The following DGKG variants were observed in gnomAD, a reference collection of about 807,000 sequenced individuals.
DGKG encodes diacylglycerol kinase gamma, also known as DAG kinase gamma.
In DGKG, 78 loss-of-function variants were observed where a neutral mutation model predicts 105.3. The ratio of observed to expected loss-of-function variants is 0.74; its 90% confidence interval spans 0.62 to 0.89. DGKG has a LOEUF of 0.89. DGKG is among the 40% of genes least tolerant of loss of function. The pLI, the probability that DGKG is intolerant of heterozygous loss-of-function variation, is 0.00. For missense variants in DGKG, 958 were observed against 1,020.1 expected, an observed-to-expected ratio of 0.94 and a Z score of 0.83; for synonymous variants, 346 against 367.1, an observed-to-expected ratio of 0.94 and a Z score of 0.66.
At chr3:186,299,805 C>CT (rs1161470138) in intron 3 of DGKG, among the ~76,000 whole-genome samples, 1 of 95,590 alleles carries the variant, frequency 1.0e-5, no homozygotes, top group African/African-American at 4.1e-5. Context: ...TTCTTTCTTT[C>CT]TTTCTTTCTT....
At chr3:186,279,039 A>G (rs750749287) in intron 9 of DGKG, 6 of 152,250 alleles carry the variant, frequency 3.9e-5, no homozygotes. Flanking sequence ...AAGCCTGTAC[A>G]CATATGCCCT....
chr3:186,219,721 G>T (rs1326928213), intron 20 of DGKG, among the ~76,000 whole-genome samples: 1 of 152,076 alleles, frequency 6.6e-6, no homozygotes. Context: ...AACAGGAAAG[G>T]GGAGATCTCA....
intron 3 of DGKG, 22 bp from the exon 4 acceptor site, chr3:186,298,251 A>C: frequency 6.4e-7 from 1 of 1,565,662 alleles, no homozygotes. Flanking sequence ...CAAAAGGGCA[A>C]AGTCAGTGGA....
intron 19 of DGKG, among the ~76,000 whole-genome samples, chr3:186,245,027 G>GC (rs1720873683): frequency 6.6e-6 from 1 of 152,062 alleles, no homozygotes; most frequent in African/African-American, 2.4e-5. Flanking sequence ...AAAAGTGGAG[G>GC]GGGGCGGGGA....
At chr3:186,298,539 A>G (rs1723710717) in intron 3 of DGKG, among the ~76,000 whole-genome samples, 1 of 152,216 alleles carries the variant, frequency 6.6e-6, no homozygotes, top group Admixed American at 6.5e-5. Flanking sequence ...AAAAAGGGAC[A>G]TGTTGGAGAG....
At chr3:186,232,603 G>T (rs764176689) in intron 20 of DGKG, among the ~76,000 whole-genome samples, 10 of 151,598 alleles carry the variant, frequency 6.6e-5, no homozygotes, top group South Asian at 4.2e-4. Context: ...TGAGTGATTG[G>T]TTTTTTTTCT....
intron 2 of DGKG, among the ~76,000 whole-genome samples, chr3:186,309,725 A>G (rs1724425841): frequency 6.6e-6 from 1 of 152,218 alleles, no homozygotes; most frequent in Non-Finnish European, 1.5e-5. Context: ...AGTAATTTCA[A>G]TTGAATATAT....
chr3:186,251,392 C>T (rs995856552), intron 19 of DGKG, among the ~76,000 whole-genome samples: 2 of 152,132 alleles, frequency 1.3e-5, no homozygotes, highest in African/African-American at 4.8e-5. Context: ...ATTCCCAGTT[C>T]CTGAAGCTCA....
intron 24 of DGKG, among the ~76,000 whole-genome samples, chr3:186,150,495 A>ACGTCT (rs773774715): frequency 2.0e-5 from 3 of 152,016 alleles, no homozygotes; most frequent in Non-Finnish European, 4.4e-5. Context: ...GCCAGAGGAG[A>ACGTCT]CCTCAGGGAC....
At chr3:186,245,148 C>G (rs967161104) in intron 19 of DGKG, among the ~76,000 whole-genome samples, 22 of 152,134 alleles carry the variant, frequency 1.4e-4, no homozygotes, top group African/African-American at 5.3e-4. Context: ...TGTGTACAGG[C>G]CCCCTCCTTC....
At chr3:186,233,375 T>A (rs1350134679) in intron 20 of DGKG, among the ~76,000 whole-genome samples, 1 of 152,180 alleles carries the variant, frequency 6.6e-6, no homozygotes, top group African/African-American at 2.4e-5. Context: ...CCCCAGACTC[T>A]CCAGAAAGGA....
At chr3:186,360,472 A>G (rs1727175997) in intron 1 of DGKG, among the ~76,000 whole-genome samples, 1 of 152,094 alleles carries the variant, frequency 6.6e-6, no homozygotes, top group Admixed American at 6.6e-5. Context: ...TTTAAGGAGT[A>G]TAATTCATAT....
chr3:186,213,659 C>T (rs953372011), intron 20 of DGKG, among the ~76,000 whole-genome samples: 2 of 152,150 alleles, frequency 1.3e-5, no homozygotes, highest in Non-Finnish European at 2.9e-5. Flanking sequence ...TAAGAATTAC[C>T]TGGGGAATGT....
chr3:186,306,245 G>A (rs111524196), intron 3 of DGKG, among the ~76,000 whole-genome samples: 1,651 of 152,228 alleles, frequency 0.011, 30 homozygotes, highest in African/African-American at 0.037. Flanking sequence ...AACACAGGAG[G>A]GAAATGAGGT....
rs1720738780 is a variant in DGKG, at chr3:186,242,533, T to C, written c.1797A>G (p.Arg599=). Residue 599 remains arginine (R), a synonymous_variant, in exon 20 of 25, where the codon AGA becomes AGG. Coordinates refer to ENST00000265022, the MANE Select transcript of DGKG (RefSeq NM_001346.3). ...ASIAHRFHVM[R]EKHPEKFNSR... ...TGTTGAATTTTTCAGGATGTTTCTCTCTCATCACATGGAATCTGTGTGCAA... is the reference window on the plus strand; with the variant it reads ...TGTTGAATTTTTCAGGATGTTTCTCCCTCATCACATGGAATCTGTGTGCAA... The C allele has an allele frequency of 6.2e-7, 1 of 1,613,640 alleles. No individual in the cohort carries two copies. Among genetic ancestry groups the C allele is most frequent in the African/African-American group, 1.3e-5 (1 of 74,910 alleles).
At chr3:186,321,617 A>T (rs987320188) in intron 1 of DGKG, among the ~76,000 whole-genome samples, 6 of 152,230 alleles carry the variant, frequency 3.9e-5, no homozygotes, top group Admixed American at 6.5e-5. Flanking sequence ...ACAAAACAGG[A>T]TCCATCCTGA....
intron 22 of DGKG, among the ~76,000 whole-genome samples, chr3:186,176,000 C>T (rs192332281): frequency 2.0e-5 from 3 of 152,024 alleles, no homozygotes; most frequent in Non-Finnish European, 2.9e-5. Context: ...AACCAAGGCC[C>T]GATTCAAAAA....
rs376250758 is a variant in DGKG, at chr3:186,214,174, G to A, written c.1827-2289C>T. Among the ~76,000 whole-genome samples the A allele has an allele frequency of 1.4e-4, 21 of 152,280 alleles. No individual in the cohort carries two copies. In the East Asian group the frequency reaches 3.3e-3, roughly 24 times the overall value. The stretch of plus-strand genomic sequence containing the variant: ...GAGCTAATAAAGGTTAAGAGGTCAC[G>A]GTTAGGTCAGCATCGCAGAATAACT... On this transcript the variant is annotated intron_variant, in intron 20 of 24. Coordinates refer to ENST00000265022, the MANE Select transcript of DGKG (RefSeq NM_001346.3).
Position 186,240,716 on chromosome 3 carries a change from G to T in DGKG, c.1826+1788C>A, listed in dbSNP as rs139826269. Reference sequence around the variant, plus strand: ...TCCCAGCTACTTGGGAGGCTGAGACGGAAGAATTGTTTGAACCCAGGAGGT... The same window carrying T: ...TCCCAGCTACTTGGGAGGCTGAGACTGAAGAATTGTTTGAACCCAGGAGGT... On this transcript the variant is annotated intron_variant, in intron 20 of 24. Coordinates refer to ENST00000265022, the MANE Select transcript of DGKG (RefSeq NM_001346.3). Among the ~76,000 whole-genome samples, 18 of 151,854 alleles carry T rather than the reference G, an allele frequency of 1.2e-4. 1 individual carries two copies. Among genetic ancestry groups the T allele is most frequent in the African/African-American group, 3.9e-4 (16 of 41,422 alleles).
Sources: gnomAD v4.1 joint callset for allele counts (sites outside exome capture counted in the v4.1 genomes callset) on GRCh38, gnomAD v4.1.1 for gene constraint, MANE v1.5 for transcripts, NCBI Gene and HGNC (gene_info 2026-07-23, HGNC 2026-07-21) for gene names.